FAT3: variants seen among roughly 807,000 people sequenced by gnomAD.
FAT3 encodes the protein FAT atypical cadherin 3.
FAT3 carries 95 observed loss-of-function variants against 310.2 expected under a neutral mutation model. That is an observed-to-expected ratio of 0.31 (90% CI 0.26 to 0.36). The LOEUF (loss-of-function observed/expected upper bound fraction) is 0.36, where lower values mean the gene tolerates loss of function less well. Ranked by LOEUF, FAT3 falls within the 10% of genes least tolerant of loss-of-function variation. The pLI, the probability that FAT3 is intolerant of heterozygous loss-of-function variation, is 1.00. For synonymous variants in FAT3, 2,314 were observed against 2,192.9 expected (o/e 1.06, Z -1.54); for missense variants, 5,408 against 5,715.6 (o/e 0.95, Z 1.74).
At chr11:92,870,822 C>G (rs1209742652) in intron 22 of FAT3, among the ~76,000 whole-genome samples, 1 of 152,176 alleles carries the variant, frequency 6.6e-6, no homozygotes, top group Non-Finnish European at 1.5e-5. Context: ...TTGTTAGACT[C>G]TTACTATGTG....
chr11:92,693,633 C>G (rs939058071), intron 3 of FAT3, among the ~76,000 whole-genome samples: 4 of 152,160 alleles, frequency 2.6e-5, no homozygotes, highest in Admixed American at 1.3e-4. Context: ...TCTTTTCTGA[C>G]TGTAAAAAAT....
chr11:92,263,654 T>TATAG (rs1554993821), intron 1 of FAT3, among the ~76,000 whole-genome samples: 3 of 151,532 alleles, frequency 2.0e-5, no homozygotes, highest in East Asian at 1.9e-4. Context: ...TATATATATA[T>TATAG]AGAGAGAGAT....
chr11:92,571,236 A>G (rs1415255177), intron 3 of FAT3, among the ~76,000 whole-genome samples: 1 of 152,140 alleles, frequency 6.6e-6, no homozygotes, highest in East Asian at 1.9e-4. Flanking sequence ...CAAGATACAT[A>G]TGGTTAGAGT....
chr11:92,672,605 A>T (rs1450483048), intron 3 of FAT3, among the ~76,000 whole-genome samples: 5 of 152,112 alleles, frequency 3.3e-5, no homozygotes. Context: ...AGTGGTCCCC[A>T]CCCCTTTGCC....
chr11:92,404,382 A>C (rs748865911), intron 2 of FAT3, among the ~76,000 whole-genome samples: 42 of 152,104 alleles, frequency 2.8e-4, no homozygotes, highest in Non-Finnish European at 5.6e-4. Context: ...GGTAGGAAGA[A>C]GAAAATAAAA....
chr11:92,835,782 A>G (rs980991930), intron 15 of FAT3, among the ~76,000 whole-genome samples: 40 of 152,282 alleles, frequency 2.6e-4, no homozygotes, highest in Middle Eastern at 6.8e-3. Context: ...GAGCAAACCT[A>G]AGATTGACTA....
intron 2 of FAT3, among the ~76,000 whole-genome samples, chr11:92,455,556 T>A (rs980372070): frequency 6.6e-6 from 1 of 152,144 alleles, no homozygotes; most frequent in South Asian, 2.1e-4. Context: ...TTCTACTAGC[T>A]TGGTTGTATG....
At chr11:92,291,811 C>T (rs1357128055) in intron 1 of FAT3, among the ~76,000 whole-genome samples, 1 of 152,018 alleles carries the variant, frequency 6.6e-6, no homozygotes, top group Non-Finnish European at 1.5e-5. Context: ...TCTTTATTGC[C>T]CTGGATCTTT....
At chr11:92,615,264 G>A (rs2135641208) in intron 3 of FAT3, among the ~76,000 whole-genome samples, 2 of 151,746 alleles carry the variant, frequency 1.3e-5, no homozygotes, top group East Asian at 3.9e-4. Context: ...TAATTTTTTT[G>A]AGACAGAGTT....
chr11:92,287,102 T>C (rs1411581297), intron 1 of FAT3, among the ~76,000 whole-genome samples: 2 of 152,116 alleles, frequency 1.3e-5, no homozygotes, highest in African/African-American at 2.4e-5. Context: ...GTTCTTCAAA[T>C]GGGTATTTTA....
chr11:92,351,903 A>G (rs955368810), intron 1 of FAT3, among the ~76,000 whole-genome samples, 193 bp from the exon 2 acceptor site: 1 of 152,224 alleles, frequency 6.6e-6, no homozygotes, highest in Non-Finnish European at 1.5e-5. Flanking sequence ...AGATTGGGCT[A>G]AATTCTAGTA....
At position 92,634,139 on chromosome 11, in the gene FAT3, A is replaced by AT. The variant is rs200828250; in HGVS notation, c.3608-63240dup. Among the ~76,000 whole-genome samples, 30 of 152,290 alleles carry AT rather than the reference A, an allele frequency of 2.0e-4. No individual in the cohort carries two copies. The East Asian group carries it at 3.7e-3, about 19-fold the overall frequency. On this transcript the variant is annotated intron_variant, in intron 3 of 27. Coordinates refer to ENST00000525166, the MANE Select transcript of FAT3 (RefSeq NM_001367949.2). Reference sequence around the variant, plus strand: ...TACACAGAGATTCAGAAATGCAGAGATTTTTGCAGTGAGTTATTAAATGGG... The same window carrying AT: ...TACACAGAGATTCAGAAATGCAGAGATTTTTTGCAGTGAGTTATTAAATGGG...
At chr11:92,857,425 C>G in intron 20 of FAT3, 77 bp downstream of exon 20, 1 of 1,576,996 alleles carries the variant, frequency 6.3e-7, no homozygotes, top group Non-Finnish European at 8.6e-7. Context: ...TTACACCATC[C>G]AAGTCCTCCC....
chr11:92,556,016 G>A (rs1054508777), intron 3 of FAT3, among the ~76,000 whole-genome samples: 19 of 152,106 alleles, frequency 1.2e-4, no homozygotes, highest in Non-Finnish European at 2.2e-4. Context: ...TGTGGATTAC[G>A]GTGAGTGTTA....
chr11:92,278,422 A>T (rs1187953404), intron 1 of FAT3, among the ~76,000 whole-genome samples: 1 of 151,916 alleles, frequency 6.6e-6, no homozygotes, highest in Non-Finnish European at 1.5e-5. Flanking sequence ...CTGTGTTTGG[A>T]TGTTCTATAC....
intron 1 of FAT3, among the ~76,000 whole-genome samples, chr11:92,315,455 A>ATGTGTGTGTG (rs1157835093): frequency 4.6e-5 from 5 of 107,816 alleles, no homozygotes; most frequent in African/African-American, 1.9e-4. Flanking sequence ...GTGTATATAT[A>ATGTGTGTGTG]TGTGTGTGTG....
At chr11:92,885,526 A>C (rs1212609789) in intron 24 of FAT3, among the ~76,000 whole-genome samples, 1 of 152,170 alleles carries the variant, frequency 6.6e-6, no homozygotes, top group African/African-American at 2.4e-5. Context: ...CCAACTTGCT[A>C]TCTGCTGATT....
rs1367847306 is a variant in FAT3, at chr11:92,274,309, T to C, written c.-18+49135T>C. Among the ~76,000 whole-genome samples the C allele has an allele frequency of 2.0e-5, 3 of 152,086 alleles. No homozygotes were observed. In the East Asian group the frequency reaches 5.8e-4, roughly 29 times the overall value. ...CTACTTACTACTGAAATAATACATA[T>C]TGTAAACCTTCTTGATTTGGTCTTC... On this transcript the variant is annotated intron_variant, in intron 1 of 27. Coordinates refer to ENST00000525166, the MANE Select transcript of FAT3 (RefSeq NM_001367949.2).
At chr11:92,840,800 T>C (rs1372036722) in intron 18 of FAT3, 41 bp downstream of exon 18, 1 of 1,477,608 alleles carries the variant, frequency 6.8e-7, no homozygotes, top group East Asian at 2.3e-5. Flanking sequence ...TGTCTTTCTT[T>C]CTCATGCTTG....
Sources: gnomAD v4.1 joint callset for allele counts (sites outside exome capture counted in the v4.1 genomes callset) on GRCh38, gnomAD v4.1.1 for gene constraint, MANE v1.5 for transcripts, NCBI Gene and HGNC (gene_info 2026-07-23, HGNC 2026-07-21) for gene names.